Variants in TP63 observed in about 807,000 individuals in gnomAD.
The protein encoded by TP63 is tumor protein 63.
Under a neutral mutation model 82.8 loss-of-function variants are expected in TP63, and 17 were observed. The observed-to-expected ratio is 0.21, with a 90% CI of 0.14 to 0.31. The LOEUF (loss-of-function observed/expected upper bound fraction) is 0.31. Among genes scored for constraint, TP63 ranks in the 10% least tolerant of loss-of-function variants. The pLI is 1.00. For synonymous variants in TP63, 330 were observed against 321.7 expected (o/e 1.03, Z -0.28); for missense variants, 648 against 895.3 (o/e 0.72, Z 3.52).
intron 1 of TP63, among the ~76,000 whole-genome samples, chr3:189,685,635 A>G (rs1449645565): frequency 3.3e-5 from 5 of 152,200 alleles, no homozygotes; most frequent in South Asian, 4.1e-4. Flanking sequence ...TGTGTGTTCA[A>G]TGGAAGAAAG....
chr3:189,699,586 A>C (rs1184326702), intron 1 of TP63, among the ~76,000 whole-genome samples: 3 of 152,214 alleles, frequency 2.0e-5, no homozygotes. Flanking sequence ...ATTCAGAATG[A>C]CTAAATACTA....
At chr3:189,603,127 A>G in the TP63 span, among the ~76,000 whole-genome samples, 1 of 152,230 alleles carries the variant, frequency 6.6e-6, no homozygotes, top group Admixed American at 6.5e-5. Context: ...AAGGTTGAAA[A>G]CCAGTTATAT....
intron 4 of TP63, among the ~76,000 whole-genome samples, chr3:189,845,864 T>A (rs192512721): frequency 3.0e-4 from 45 of 151,848 alleles, no homozygotes; most frequent in African/African-American, 1.0e-3. Context: ...GAGATTTGCA[T>A]GTAGTATGGC....
intron 3 of TP63, among the ~76,000 whole-genome samples, chr3:189,759,719 G>A (rs1310606085): frequency 6.6e-6 from 1 of 152,144 alleles, no homozygotes; most frequent in African/African-American, 2.4e-5. Flanking sequence ...AGGAGTTGTG[G>A]AGGCCACAGT....
In TP63 at chr3:189,694,790, C is replaced by CTTT. The variant is rs71175304; in HGVS notation, c.63-42919_63-42917dup. On this transcript the variant is annotated intron_variant, in intron 1 of 13. Coordinates refer to ENST00000264731, the MANE Select transcript of TP63 (RefSeq NM_003722.5). ...TTGAAAGGAGGCCAGTATTTACAGC[C>CTTT]TTTTTTTTTTTTTTTTTTTTTTTTT... Among the ~76,000 whole-genome samples the CTTT allele has an allele frequency of 2.3e-3, 76 of 32,756 alleles. 18 individuals carry two copies. The highest frequency in any genetic ancestry group is 6.5e-3 in the African/African-American group (58 of 8,954). The allele number at this position is 32,756 out of a possible 152,430, so 21.5% of individuals were successfully genotyped here. A position where few individuals can be genotyped will look rare whatever the true frequency, so the allele number is the denominator to read the frequency against.
At chr3:189,800,482 A>AG (rs984336112) in intron 3 of TP63, among the ~76,000 whole-genome samples, 1 of 151,410 alleles carries the variant, frequency 6.6e-6, no homozygotes, top group Admixed American at 6.6e-5. Flanking sequence ...GAGTAAAAAA[A>AG]AAAAAAAGAA....
chr3:189,625,191 A>T, the TP63 span, among the ~76,000 whole-genome samples: 1 of 152,192 alleles, frequency 6.6e-6, no homozygotes, highest in South Asian at 2.1e-4. Context: ...GAACTCTGCA[A>T]ATCTTGACAT....
At chr3:189,780,357 G>C (rs905022147) in intron 3 of TP63, among the ~76,000 whole-genome samples, 1 of 152,158 alleles carries the variant, frequency 6.6e-6, no homozygotes, top group African/African-American at 2.4e-5. Context: ...TCCAAAAGAA[G>C]TACTCAAGTT....
intron 1 of TP63, among the ~76,000 whole-genome samples, chr3:189,646,600 G>A (rs73063894): frequency 6.9e-6 from 1 of 145,518 alleles, no homozygotes; most frequent in African/African-American, 2.6e-5. Context: ...TCTACTTTTG[G>A]TCCCACCCCC....
intron 3 of TP63, among the ~76,000 whole-genome samples, chr3:189,751,506 G>A (rs1487860881): frequency 1.3e-5 from 2 of 152,028 alleles, no homozygotes; most frequent in African/African-American, 2.4e-5. Context: ...TTTAATGATC[G>A]CCATTCTGAC....
chr3:189,654,957 G>A (rs1713205775), intron 1 of TP63, among the ~76,000 whole-genome samples: 1 of 152,142 alleles, frequency 6.6e-6, no homozygotes, highest in South Asian at 2.1e-4. Flanking sequence ...CACCTGGATG[G>A]AAATATCACG....
chr3:189,667,064 T>C (rs1257499983), intron 1 of TP63, among the ~76,000 whole-genome samples: 1 of 149,384 alleles, frequency 6.7e-6, no homozygotes, highest in African/African-American at 2.5e-5. Context: ...TGTCTCATGA[T>C]TGAACCTACT....
chr3:189,806,419 C>T (rs932754655), intron 3 of TP63, among the ~76,000 whole-genome samples: 3 of 152,184 alleles, frequency 2.0e-5, no homozygotes, highest in South Asian at 2.1e-4. Flanking sequence ...TCCTACAGGA[C>T]GTTCAAGAGT....
At chr3:189,604,950 C>T in the TP63 span, among the ~76,000 whole-genome samples, 2 of 152,216 alleles carry the variant, frequency 1.3e-5, no homozygotes, top group South Asian at 4.1e-4. Context: ...TTTCTTCAAA[C>T]TGACATCTCA....
At chr3:189,875,437 G>A (rs1349849611) in intron 10 of TP63, among the ~76,000 whole-genome samples, 5 of 150,716 alleles carry the variant, frequency 3.3e-5, no homozygotes, top group Admixed American at 6.6e-5. Flanking sequence ...AAGGTGGCAC[G>A]CACCTGTAGT....
chr3:189,671,303 A>G (rs927011236), intron 1 of TP63, among the ~76,000 whole-genome samples: 9 of 152,174 alleles, frequency 5.9e-5, no homozygotes, highest in African/African-American at 2.2e-4. Context: ...ATCACTAATC[A>G]TCAGGGAAAT....
At chr3:189,867,746 G>A in intron 6 of TP63, 87 bp from the exon 7 acceptor site, 1 of 1,211,900 alleles carries the variant, frequency 8.3e-7, no homozygotes, top group Non-Finnish European at 1.2e-6. Context: ...ATCAGAAGTG[G>A]AATTCCTTAA....
At chr3:189,862,016 T>C (rs1231229968) in intron 4 of TP63, among the ~76,000 whole-genome samples, 71 of 152,240 alleles carry the variant, frequency 4.7e-4, no homozygotes, top group Non-Finnish European at 1.5e-4. Flanking sequence ...CTTAAGTTTG[T>C]GGCACACTCA....
At chr3:189,787,824 C>T (rs1045696306) in intron 3 of TP63, among the ~76,000 whole-genome samples, 1 of 151,944 alleles carries the variant, frequency 6.6e-6, no homozygotes, top group African/African-American at 2.4e-5. Context: ...TCCAGAACCG[C>T]CTAGCAGGCT....
Sources: gnomAD v4.1 joint callset for allele counts (sites outside exome capture counted in the v4.1 genomes callset) on GRCh38, gnomAD v4.1.1 for gene constraint, MANE v1.5 for transcripts, NCBI Gene and HGNC (gene_info 2026-07-23, HGNC 2026-07-21) for gene names.